The following SLC4A4 variants were observed in gnomAD, a reference collection of about 807,000 sequenced individuals.
The protein encoded by SLC4A4 is solute carrier family 4 member 4.
In SLC4A4, 27 loss-of-function variants were observed where a neutral mutation model predicts 111.5. The ratio of observed to expected loss-of-function variants is 0.24; its 90% confidence interval spans 0.18 to 0.33. The LOEUF (loss-of-function observed/expected upper bound fraction) is 0.33, where lower values mean the gene tolerates loss of function less well. Ranked by LOEUF, SLC4A4 falls within the 10% of genes least tolerant of loss-of-function variation. The pLI is 1.00. For missense variants in SLC4A4, 909 were observed against 1,315.5 expected (o/e 0.69, Z 4.78); for synonymous variants, 443 against 463.4 (o/e 0.96, Z 0.57).
At chr4:71,331,257 T>C (rs997617749) in intron 3 of SLC4A4, among the ~76,000 whole-genome samples, 1 of 152,202 alleles carries the variant, frequency 6.6e-6, no homozygotes, top group African/African-American at 2.4e-5. Context: ...TTATAAATCA[T>C]GCTGCTATAA....
intron 24 of SLC4A4, among the ~76,000 whole-genome samples, chr4:71,566,711 G>T (rs542061653): frequency 2.0e-5 from 3 of 151,670 alleles, no homozygotes; most frequent in Non-Finnish European, 4.4e-5. Flanking sequence ...AAATCCAAAA[G>T]CAAGCCTTAG....
At chr4:71,551,346 A>G (rs1735976936) in intron 20 of SLC4A4, among the ~76,000 whole-genome samples, 1 of 151,902 alleles carries the variant, frequency 6.6e-6, no homozygotes, top group South Asian at 2.1e-4. Flanking sequence ...GAGCTTCTAC[A>G]ATATGCCACA....
At chr4:71,445,132 T>C (rs1725108208) in intron 8 of SLC4A4, among the ~76,000 whole-genome samples, 1 of 152,212 alleles carries the variant, frequency 6.6e-6, no homozygotes, top group Admixed American at 6.5e-5. Flanking sequence ...GTAGACACCA[T>C]TGATCTGCTG....
At chr4:71,338,566 CTT>C (rs1213292062) in intron 3 of SLC4A4, among the ~76,000 whole-genome samples, 17 of 135,432 alleles carry the variant, frequency 1.3e-4, no homozygotes, top group Non-Finnish European at 1.4e-4. Flanking sequence ...TCTTCTTCTT[CTT>C]TTTTTTTTTT....
At chr4:71,304,379 G>T (rs1725520974) in intron 3 of SLC4A4, among the ~76,000 whole-genome samples, 3 of 152,166 alleles carry the variant, frequency 2.0e-5, no homozygotes, top group Non-Finnish European at 4.4e-5. Context: ...GAGTGCTGAT[G>T]TCTGAGAGCA....
chr4:71,499,635 G>A (rs1730722217), intron 16 of SLC4A4, among the ~76,000 whole-genome samples: 1 of 152,096 alleles, frequency 6.6e-6, no homozygotes, highest in South Asian at 2.1e-4. Flanking sequence ...ATATGAGTTT[G>A]ACATTTTAGG....
chr4:71,314,768 G>T (rs139971869), intron 3 of SLC4A4, among the ~76,000 whole-genome samples: 2 of 152,082 alleles, frequency 1.3e-5, no homozygotes, highest in East Asian at 3.9e-4. Context: ...GGCCTTTCGG[G>T]GAGTGGGGTG....
At chr4:71,498,024 T>C (rs1433841012) in intron 16 of SLC4A4, among the ~76,000 whole-genome samples, 1 of 152,170 alleles carries the variant, frequency 6.6e-6, no homozygotes, top group Non-Finnish European at 1.5e-5. Context: ...TTTAAGTACA[T>C]AATCAAAAAC....
At chr4:71,422,469 C>A (rs1469166067) in intron 7 of SLC4A4, among the ~76,000 whole-genome samples, 1 of 151,798 alleles carries the variant, frequency 6.6e-6, no homozygotes, top group African/African-American at 2.4e-5. Context: ...AAGAGGGAAT[C>A]CTCCCTAACT....
intron 7 of SLC4A4, among the ~76,000 whole-genome samples, chr4:71,413,243 G>A (rs2149004254): frequency 6.6e-6 from 1 of 152,260 alleles, no homozygotes; most frequent in East Asian, 1.9e-4. Flanking sequence ...CTATACAGCT[G>A]CCTGTTTGAA....
chr4:71,173,540 C>T lies in SLC4A4; in HGVS notation c.-1-63036C>T, dbSNP rs1745003345. On this transcript the variant is annotated intron_variant, in intron 2 of 26. Coordinates refer to the SLC4A4 transcript ENST00000649996. Reference sequence around the variant, plus strand: ...GGATTACAGGCACATGCCACCACGCCAGGCTAATTTTTGTATTTTTAGTAA... The same window carrying T: ...GGATTACAGGCACATGCCACCACGCTAGGCTAATTTTTGTATTTTTAGTAA... 2.6e-5 allele frequency among the ~76,000 whole-genome samples: 4 copies of T among 152,138 alleles called. 1 individual carries two copies. The South Asian group carries it at 8.3e-4, about 32-fold the overall frequency.
intron 2 of SLC4A4, among the ~76,000 whole-genome samples, chr4:71,135,830 G>A (rs1194573707): frequency 6.6e-6 from 1 of 151,792 alleles, no homozygotes; most frequent in Non-Finnish European, 1.5e-5. Context: ...GGTATCTCAT[G>A]GTATTTAACT....
At position 71,139,179 on chromosome 4, in the gene SLC4A4, T is replaced by TTGTGTGTGTG. The variant is rs57359640; in HGVS notation, c.-2+46417_-2+46426dup. On this transcript the variant is annotated intron_variant, in intron 2 of 26. Coordinates refer to the SLC4A4 transcript ENST00000649996. ...GTCATCAAACTAAATTCCCTTTTCTTTGTGTGTGTGTGTGTGTGTGTGTGT... is the reference window on the plus strand; with the variant it reads ...GTCATCAAACTAAATTCCCTTTTCTTTGTGTGTGTGTGTGTGTGTGTGTGTGTGTGTGTGT... Among the ~76,000 whole-genome samples, 1,157 of 144,514 alleles carry TTGTGTGTGTG rather than the reference T, an allele frequency of 8.0e-3. 9 individuals carry two copies. Among genetic ancestry groups the TTGTGTGTGTG allele is most frequent in the African/African-American group, 0.018 (683 of 38,854 alleles). 94.8% of individuals were successfully genotyped at this position (144,514 alleles called of 152,430 possible).
intron 14 of SLC4A4, among the ~76,000 whole-genome samples, chr4:71,484,568 G>C (rs1340411723): frequency 6.6e-6 from 1 of 151,758 alleles, no homozygotes; most frequent in Non-Finnish European, 1.5e-5. Flanking sequence ...TTTGTTACTA[G>C]AGCCAGGTAG....
At chr4:71,518,150 G>A (rs552056964) in intron 16 of SLC4A4, among the ~76,000 whole-genome samples, 2 of 152,212 alleles carry the variant, frequency 1.3e-5, no homozygotes, top group Non-Finnish European at 2.9e-5. Flanking sequence ...CATAGAGGCT[G>A]GCCTAATGCC....
intron 6 of SLC4A4, among the ~76,000 whole-genome samples, chr4:71,390,039 T>C (rs1447598664): frequency 6.6e-6 from 1 of 152,176 alleles, no homozygotes; most frequent in Non-Finnish European, 1.5e-5. Flanking sequence ...ATTTAAAATA[T>C]TTTTGTCTTT....
At chr4:71,145,116 C>A (rs148117060) in intron 2 of SLC4A4, among the ~76,000 whole-genome samples, 1 of 152,094 alleles carries the variant, frequency 6.6e-6, no homozygotes, top group African/African-American at 2.4e-5. Context: ...TTTTGAGATA[C>A]GTCCCATCAA....
chr4:71,506,303 A>G (rs886929693), intron 16 of SLC4A4, among the ~76,000 whole-genome samples: 1 of 152,114 alleles, frequency 6.6e-6, no homozygotes, highest in Non-Finnish European at 1.5e-5. Flanking sequence ...ATTTTAACAT[A>G]TTGATTCTTC....
At chr4:71,193,383 T>C (rs1239706382) in intron 1 of SLC4A4, among the ~76,000 whole-genome samples, 1 of 152,148 alleles carries the variant, frequency 6.6e-6, no homozygotes, top group Non-Finnish European at 1.5e-5. Flanking sequence ...ATGGTCTCGA[T>C]CTCCTGACCT....
Sources: allele counts gnomAD v4.1 joint callset (sites outside exome capture counted in the v4.1 genomes callset), GRCh38; gene constraint gnomAD v4.1.1; transcripts MANE v1.5; gene names NCBI Gene and HGNC (gene_info 2026-07-23, HGNC 2026-07-21).